The following SHISA9 variants were observed in gnomAD, a reference collection of about 807,000 sequenced individuals.
SHISA9 encodes the protein protein shisa-9.
SHISA9 carries 13 observed loss-of-function variants against 38.0 expected under a neutral mutation model. The observed-to-expected ratio is 0.34, with a 90% CI of 0.22 to 0.54. The LOEUF (loss-of-function observed/expected upper bound fraction) is 0.54. Ranked by LOEUF, SHISA9 falls within the 20% of genes least tolerant of loss-of-function variation. SHISA9 has a pLI of 0.91. For synonymous variants in SHISA9, 275 were observed against 242.0 expected (o/e 1.14, Z -1.27); for missense variants, 538 against 575.8 (o/e 0.93, Z 0.67).
chr16:13,555,919 C>T, the SHISA9 span, among the ~76,000 whole-genome samples: 4 of 152,222 alleles, frequency 2.6e-5, no homozygotes, highest in African/African-American at 9.6e-5. Context: ...CACTCTGCTA[C>T]TCAGATCTTA....
At chr16:12,993,689 T>G (rs1260405560) in intron 2 of SHISA9, among the ~76,000 whole-genome samples, 1 of 152,202 alleles carries the variant, frequency 6.6e-6, no homozygotes, top group Non-Finnish European at 1.5e-5. Flanking sequence ...GCTGATATTG[T>G]AAGTACCCAC....
chr16:13,278,497 A>T, the SHISA9 span, among the ~76,000 whole-genome samples: 4 of 152,034 alleles, frequency 2.6e-5, no homozygotes, highest in East Asian at 7.7e-4. Flanking sequence ...ATTGATACGC[A>T]TTCGTCTTTG....
At chr16:13,348,871 T>C in the SHISA9 span, among the ~76,000 whole-genome samples, 52 of 152,212 alleles carry the variant, frequency 3.4e-4, no homozygotes, top group African/African-American at 1.2e-3. Context: ...TTGTATACTT[T>C]GTGGCCTCAC....
At chr16:13,190,109 T>A (rs1423098795) in intron 2 of SHISA9, among the ~76,000 whole-genome samples, 1 of 151,488 alleles carries the variant, frequency 6.6e-6, no homozygotes. Context: ...CTTTAAGTTT[T>A]AGGGTACATG....
intron 2 of SHISA9, among the ~76,000 whole-genome samples, chr16:13,168,618 G>A (rs566597204): frequency 5.3e-5 from 8 of 152,294 alleles, no homozygotes; most frequent in African/African-American, 1.7e-4. Context: ...GTGAACTACT[G>A]CCTAGAGAAA....
chr16:12,909,393 A>G (rs773433930), intron 1 of SHISA9: 103 of 985,264 alleles, frequency 1.0e-4, no homozygotes, highest in Non-Finnish European at 1.2e-4. Flanking sequence ...GTGCTCAGGA[A>G]CTCTATTCAA....
chr16:13,198,170 G>A (rs780171381), intron 2 of SHISA9, among the ~76,000 whole-genome samples: 19 of 152,102 alleles, frequency 1.2e-4, no homozygotes, highest in African/African-American at 4.3e-4. Context: ...GGGCGACAGA[G>A]TGAGACTCCA....
intron 4 of SHISA9, among the ~76,000 whole-genome samples, chr16:13,217,336 T>C (rs1256136302): frequency 1.3e-5 from 2 of 152,116 alleles, no homozygotes; most frequent in Admixed American, 6.5e-5. Context: ...GAAGACACCA[T>C]CTCAAGACCA....
At chr16:13,305,252 G>T in the SHISA9 span, among the ~76,000 whole-genome samples, 6 of 152,144 alleles carry the variant, frequency 3.9e-5, no homozygotes, top group East Asian at 1.2e-3. Context: ...GAAGTCAGGT[G>T]TGGAGTGTTC....
rs1400811520 is a variant in SHISA9 at position 13,238,510 on chromosome 16, C to T, written c.*3101C>T. 6.6e-6 allele frequency: 1 copy of T among 152,150 alleles called. No homozygotes were observed. The highest frequency in any genetic ancestry group is 1.5e-5 in the Non-Finnish European group (1 of 68,042). 9.4% of individuals were successfully genotyped at this position (152,150 alleles called of 1,614,324 possible). On this transcript the variant is annotated 3_prime_UTR_variant, in exon 5 of 5. Transcript: ENST00000558583. ...TAAGAGTCTTTCTTGGCCTCTAAAT[C>T]TGTAGTATTGTATTCCTTCTGCATG...
chr16:13,092,533 C>T (rs771835252), intron 2 of SHISA9, among the ~76,000 whole-genome samples: 11 of 152,194 alleles, frequency 7.2e-5, no homozygotes, highest in African/African-American at 1.7e-4. Context: ...CAATTGTGGA[C>T]GCCTCTCTCC....
At chr16:13,309,290 A>G in the SHISA9 span, among the ~76,000 whole-genome samples, 258 of 152,268 alleles carry the variant, frequency 1.7e-3, 1 homozygote, top group Non-Finnish European at 3.1e-3. Flanking sequence ...AAACCACCAT[A>G]GCACACGTTT....
Position 13,152,237 on chromosome 16 carries a change from C to CT in SHISA9, c.692-51149dup, listed in dbSNP as rs541625856. 1.6e-4 allele frequency among the ~76,000 whole-genome samples: 24 copies of CT among 152,062 alleles called. No homozygotes were observed. In the South Asian group the frequency reaches 4.6e-3, roughly 29 times the overall value. ...CTAGTTGAGCTATTTATTTCAGACACTTTTTTTTCCCCAAAAATAAATCTT... is the reference window on the plus strand; with the variant it reads ...CTAGTTGAGCTATTTATTTCAGACACTTTTTTTTTCCCCAAAAATAAATCTT... On this transcript the variant is annotated intron_variant, in intron 2 of 4. Coordinates refer to ENST00000558583, the MANE Select transcript of SHISA9 (RefSeq NM_001145204.3).
At chr16:13,199,736 A>C (rs555200336) in intron 2 of SHISA9, among the ~76,000 whole-genome samples, 8 of 152,214 alleles carry the variant, frequency 5.3e-5, no homozygotes, top group Non-Finnish European at 1.2e-4. Flanking sequence ...TTGGCCCAGC[A>C]TAGATCACAT....
At chr16:13,202,376 T>C (rs1262635837) in intron 2 of SHISA9, among the ~76,000 whole-genome samples, 2 of 133,006 alleles carry the variant, frequency 1.5e-5, no homozygotes, top group Non-Finnish European at 3.3e-5. Context: ...CCCTCCTTCC[T>C]GTAGATCTCA....
intron 2 of SHISA9, among the ~76,000 whole-genome samples, chr16:13,080,118 A>C (rs1010813958): frequency 1.3e-5 from 2 of 152,176 alleles, no homozygotes; most frequent in Non-Finnish European, 2.9e-5. Flanking sequence ...TCACGCCTGT[A>C]ATCCCAGCAC....
chr16:13,514,453 T>A, the SHISA9 span, among the ~76,000 whole-genome samples: 3 of 152,120 alleles, frequency 2.0e-5, no homozygotes, highest in African/African-American at 7.2e-5. Flanking sequence ...AAAAGAATAT[T>A]ATAAGTGTAT....
At chr16:12,910,490 G>A in intron 1 of SHISA9, 1 of 985,416 alleles carries the variant, frequency 1.0e-6, no homozygotes, top group Non-Finnish European at 1.2e-6. Flanking sequence ...AGTTGAGCCA[G>A]CACTTTTATA....
the SHISA9 span, among the ~76,000 whole-genome samples, chr16:13,523,815 T>C: frequency 6.6e-6 from 1 of 152,360 alleles, no homozygotes; most frequent in African/African-American, 2.4e-5. Flanking sequence ...TAGGTGCGGA[T>C]GCACATCCAA....
Sources: allele counts gnomAD v4.1 joint callset (sites outside exome capture counted in the v4.1 genomes callset), GRCh38; gene constraint gnomAD v4.1.1; transcripts MANE v1.5; gene names NCBI Gene and HGNC (gene_info 2026-07-23, HGNC 2026-07-21).